Variants in DTNA observed in about 807,000 individuals in gnomAD.
DTNA encodes the protein dystrobrevin alpha.
Under a neutral mutation model 100.7 loss-of-function variants are expected in DTNA, and 43 were observed. The observed-to-expected ratio is 0.43, with a 90% CI of 0.33 to 0.55. DTNA has a LOEUF of 0.55. Ranked by LOEUF, DTNA falls within the 20% of genes least tolerant of loss-of-function variation. The pLI is 0.04. For missense variants in DTNA, 798 were observed against 953.9 expected, an observed-to-expected ratio of 0.84 and a Z score of 2.15; for synonymous variants, 349 against 347.9, an observed-to-expected ratio of 1.00 and a Z score of -0.04.
intron 1 of DTNA, among the ~76,000 whole-genome samples, chr18:34,673,600 A>G: frequency 6.6e-6 from 1 of 152,082 alleles, no homozygotes; most frequent in Non-Finnish European, 1.5e-5. Flanking sequence ...CAGCACCTTT[A>G]AAACAGTTGA....
chr18:34,862,772 C>T (rs887647872), intron 16 of DTNA, among the ~76,000 whole-genome samples: 5 of 152,074 alleles, frequency 3.3e-5, no homozygotes, highest in East Asian at 1.9e-4. Flanking sequence ...TGCACTCCAG[C>T]GTAGGCAACA....
intron 1 of DTNA, among the ~76,000 whole-genome samples, chr18:34,665,460 A>C (rs1040749298): frequency 6.6e-6 from 1 of 152,154 alleles, no homozygotes; most frequent in African/African-American, 2.4e-5. Flanking sequence ...TCTAGGGTAC[A>C]TGTGCACAAT....
At chr18:34,736,065 G>A (rs1313082127) in intron 1 of DTNA, among the ~76,000 whole-genome samples, 4 of 152,262 alleles carry the variant, frequency 2.6e-5, no homozygotes, top group East Asian at 3.9e-4. Context: ...CCTAGAGGAC[G>A]TCTATACCAT....
At chr18:34,846,028 G>A (rs1568748327) in intron 13 of DTNA, among the ~76,000 whole-genome samples, 1 of 151,998 alleles carries the variant, frequency 6.6e-6, no homozygotes, top group Admixed American at 6.6e-5. Flanking sequence ...TTTATATTTA[G>A]GTTTCATTTC....
At position 34,654,265 on chromosome 18, in the gene DTNA, C is replaced by T. The variant is rs538948739; in HGVS notation, c.-1-101711C>T. 1.3e-5 allele frequency among the ~76,000 whole-genome samples: 2 copies of T among 152,290 alleles called. 1 individual carries two copies. Among genetic ancestry groups the T allele is most frequent in the South Asian group, 4.1e-4 (2 of 4,826 alleles). ...CTTGGAAACAGCACTTTGCAAATGT[C>T]CCTGTGACCCCATTTCAATGTAGTT... is the stretch of plus-strand genomic sequence containing the variant. On this transcript the variant is annotated intron_variant, in intron 1 of 19. Coordinates refer to the DTNA transcript ENST00000283365.
At chr18:34,665,626 A>G (rs910734932) in intron 1 of DTNA, among the ~76,000 whole-genome samples, 1 of 151,968 alleles carries the variant, frequency 6.6e-6, no homozygotes, top group African/African-American at 2.4e-5. Flanking sequence ...TCCTGTGTCC[A>G]TGTGTTCTCA....
At chr18:34,886,550 T>C (rs2096923306) in intron 22 of DTNA, among the ~76,000 whole-genome samples, 1 of 152,236 alleles carries the variant, frequency 6.6e-6, no homozygotes, top group Non-Finnish European at 1.5e-5. Context: ...TAGAAAAATA[T>C]TTTTGAAAGT....
chr18:34,830,238 G>A (rs1416182683), intron 11 of DTNA, among the ~76,000 whole-genome samples: 1 of 151,858 alleles, frequency 6.6e-6, no homozygotes, highest in African/African-American at 2.4e-5. Context: ...ACCTAAGCAA[G>A]CCAAGTATAG....
At chr18:34,550,492 A>G (rs2045292846) in intron 1 of DTNA, among the ~76,000 whole-genome samples, 1 of 152,148 alleles carries the variant, frequency 6.6e-6, no homozygotes, top group Non-Finnish European at 1.5e-5. Flanking sequence ...CAGGGTGGTG[A>G]GCAGGTGAAT....
intron 1 of DTNA, among the ~76,000 whole-genome samples, chr18:34,576,360 G>A (rs528797139): frequency 6.6e-6 from 1 of 152,216 alleles, no homozygotes; most frequent in Non-Finnish European, 1.5e-5. Flanking sequence ...AACTTGCAGG[G>A]AGGGAATCAA....
chr18:34,772,412 T>C (rs1248977576), intron 3 of DTNA, among the ~76,000 whole-genome samples: 4 of 152,250 alleles, frequency 2.6e-5, no homozygotes, highest in Non-Finnish European at 4.4e-5. Context: ...AGTTACCTTT[T>C]TACCTAAATG....
chr18:34,761,548 G>A (rs964973437), intron 2 of DTNA, among the ~76,000 whole-genome samples: 6 of 152,124 alleles, frequency 3.9e-5, no homozygotes, highest in African/African-American at 1.4e-4. Context: ...AGAGAAGAAA[G>A]AGAATCTTTT....
intron 4 of DTNA, among the ~76,000 whole-genome samples, chr18:34,795,993 T>C (rs1480422986): frequency 6.6e-6 from 1 of 152,222 alleles, no homozygotes; most frequent in East Asian, 1.9e-4. Context: ...TATTCCAAGG[T>C]AAGGAACAAT....
chr18:34,833,817 G>A (rs1460595724), intron 11 of DTNA, among the ~76,000 whole-genome samples: 1 of 152,204 alleles, frequency 6.6e-6, no homozygotes, highest in African/African-American at 2.4e-5. Flanking sequence ...ATGCCAAATA[G>A]TTCTCAGTTT....
intron 1 of DTNA, among the ~76,000 whole-genome samples, chr18:34,542,204 T>C (rs1336799404): frequency 1.3e-5 from 2 of 152,074 alleles, no homozygotes; most frequent in East Asian, 3.9e-4. Flanking sequence ...TTGTAGTAAG[T>C]GTCTACTAAA....
chr18:34,762,116 T>C (rs533447913), intron 2 of DTNA, among the ~76,000 whole-genome samples: 173 of 152,324 alleles, frequency 1.1e-3, no homozygotes, highest in African/African-American at 4.1e-3. Context: ...AAGCAAAGAT[T>C]GCCCTGCTGA....
intron 9 of DTNA, 133 bp from the exon 10 acceptor site, chr18:34,827,460 A>G: frequency 1.2e-6 from 1 of 809,220 alleles, no homozygotes; most frequent in East Asian, 2.5e-5. Context: ...TGGAAAATAT[A>G]AGATTTCTTG....
upstream of DTNA, among the ~76,000 whole-genome samples, chr18:34,707,788 A>C (rs73416466): frequency 1.6e-3 from 242 of 152,294 alleles, 1 homozygote; most frequent in African/African-American, 5.1e-3. Context: ...TCCTTCATCA[A>C]CTGTTTTGAA....
At chr18:34,834,535 G>C (rs1487713691) in intron 11 of DTNA, among the ~76,000 whole-genome samples, 1 of 152,056 alleles carries the variant, frequency 6.6e-6, no homozygotes, top group Non-Finnish European at 1.5e-5. Context: ...TTGGCTCATG[G>C]TTCTGCAGGC....
Sources: gnomAD v4.1 joint callset for allele counts (sites outside exome capture counted in the v4.1 genomes callset) on GRCh38, gnomAD v4.1.1 for gene constraint, MANE v1.5 for transcripts, NCBI Gene and HGNC (gene_info 2026-07-23, HGNC 2026-07-21) for gene names.